The following TRIO variants were observed in gnomAD, a reference collection of about 807,000 sequenced individuals.
TRIO encodes the protein trio Rho guanine nucleotide exchange factor, also known as triple functional domain protein.
A neutral mutation model predicts 351.9 loss-of-function variants in TRIO; 58 were observed. That is an observed-to-expected ratio of 0.16 (90% CI 0.13 to 0.21). The LOEUF (loss-of-function observed/expected upper bound fraction) is 0.21, where lower values mean the gene tolerates loss of function less well. TRIO is among the 10% of genes least tolerant of loss of function. The probability of loss-of-function intolerance (pLI) is 1.00; values close to 1 mark genes in which losing one functional copy is unlikely to be tolerated. For synonymous variants in TRIO, 1,758 were observed against 1,595.7 expected, an observed-to-expected ratio of 1.10 and a Z score of -2.42; for missense variants, 3,201 against 4,027.8, an observed-to-expected ratio of 0.79 and a Z score of 5.56.
chr5:14,242,859 C>T (rs1204514525), intron 1 of TRIO, among the ~76,000 whole-genome samples: 1 of 152,218 alleles, frequency 6.6e-6, no homozygotes, highest in African/African-American at 2.4e-5. Flanking sequence ...CCACTCTACT[C>T]TGCATTGTTG....
intron 1 of TRIO, among the ~76,000 whole-genome samples, chr5:14,164,089 G>T (rs1788629161): frequency 6.6e-6 from 1 of 152,194 alleles, no homozygotes; most frequent in African/African-American, 2.4e-5. Context: ...TCAGCAGTGG[G>T]ACAGAGAGGT....
chr5:14,393,472 C>G (rs571085328), intron 27 of TRIO, among the ~76,000 whole-genome samples: 167 of 152,252 alleles, frequency 1.1e-3, no homozygotes, highest in Middle Eastern at 3.4e-3. Flanking sequence ...TTTCAGTATT[C>G]CTTGTACAGT....
At chr5:14,394,979 G>T (rs1412393031) in intron 28 of TRIO, among the ~76,000 whole-genome samples, 5 of 152,168 alleles carry the variant, frequency 3.3e-5, no homozygotes, top group Non-Finnish European at 7.3e-5. Context: ...GTAGAAACAT[G>T]CATTCATCCC....
At chr5:14,316,802 A>T in intron 9 of TRIO, 59 bp downstream of exon 9, 1 of 1,484,170 alleles carries the variant, frequency 6.7e-7, no homozygotes, top group Non-Finnish European at 9.2e-7. Flanking sequence ...TAGAGTTTAA[A>T]TACATCATCA....
intron 1 of TRIO, among the ~76,000 whole-genome samples, chr5:14,190,918 C>G (rs1227502762): frequency 6.6e-6 from 1 of 152,214 alleles, no homozygotes; most frequent in African/African-American, 2.4e-5. Context: ...TGTATCCACA[C>G]AAGCACTTCT....
chr5:14,421,736 C>T (rs1293147452), intron 34 of TRIO, among the ~76,000 whole-genome samples: 1 of 152,054 alleles, frequency 6.6e-6, no homozygotes, highest in South Asian at 2.1e-4. Context: ...AGCGGTAGGG[C>T]GTGGGTGAGG....
chr5:14,444,755 A>G (rs1222546777), intron 34 of TRIO, among the ~76,000 whole-genome samples: 1 of 152,224 alleles, frequency 6.6e-6, no homozygotes, highest in Non-Finnish European at 1.5e-5. Context: ...TTGAATTTGT[A>G]TATATTTTTA....
chr5:14,359,415 A>G lies in TRIO; in HGVS notation c.2275A>G (p.Thr759Ala). The change falls in exon 13 of 57, where the codon ACG becomes GCG. Residue 759 changes from threonine to alanine, a missense_variant. By Grantham distance (58) the Thr-to-Ala change is moderately conservative. Around this residue, in one of 19 missense-constraint regions of TRIO, gnomAD observed 363 missense variants for 553.5 expected, o/e 0.66. Coordinates refer to ENST00000344204, the MANE Select transcript of TRIO (RefSeq NM_007118.4). ...CAACAGCTCCATCAACCACATTGAG[A>G]CGGTGCTGCAGCAGCTGGACGAGGC... is the stretch of plus-strand genomic sequence containing the variant. ...PHNSSINHIE[T>A]VLQQLDEAQS... The G allele has an allele frequency of 6.2e-7, 1 of 1,614,266 alleles. No homozygotes were observed. Among genetic ancestry groups the G allele is most frequent in the Non-Finnish European group, 8.5e-7 (1 of 1,180,036 alleles).
At chr5:14,151,785 C>T (rs1430143279) in intron 1 of TRIO, among the ~76,000 whole-genome samples, 5 of 152,116 alleles carry the variant, frequency 3.3e-5, no homozygotes, top group African/African-American at 7.2e-5. Context: ...TGAAGGATGC[C>T]ACTGATACCT....
chr5:14,143,530 G>C lies in TRIO; in HGVS notation c.-196G>C, dbSNP rs922986518. On this transcript the variant is annotated 5_prime_UTR_variant, in exon 1 of 57. Transcript: ENST00000344204. ...TCGGCCAGCTCGCGGCTACCGGGCG[G>C]AGTCCTCGTCTATGTGGGCGCGCTC... Among the ~76,000 whole-genome samples, 12 of 147,278 alleles carry C rather than the reference G, an allele frequency of 8.1e-5. No homozygotes were observed. Among genetic ancestry groups the C allele is most frequent in the African/African-American group, 2.9e-4 (12 of 40,838 alleles).
In TRIO at chr5:14,484,752, G is replaced by T. The variant is rs992167750; in HGVS notation, c.6658-317G>T. 6.6e-5 allele frequency among the ~76,000 whole-genome samples: 10 copies of T among 152,098 alleles called. 1 individual carries two copies. Among genetic ancestry groups the T allele is most frequent in the Admixed American group, 2.6e-4 (4 of 15,266 alleles). On this transcript the variant is annotated intron_variant, in intron 46 of 56. Coordinates refer to ENST00000344204, the MANE Select transcript of TRIO (RefSeq NM_007118.4). The stretch of plus-strand genomic sequence containing the variant: ...GCTAAAGCCCTGTACCCATTAAACA[G>T]TAACTCCCCACTTCCCCACCCCCAA...
intron 1 of TRIO, among the ~76,000 whole-genome samples, chr5:14,181,900 T>C (rs536285712): frequency 6.6e-6 from 1 of 151,998 alleles, no homozygotes; most frequent in African/African-American, 2.4e-5. Flanking sequence ...CGGGCTGATG[T>C]GGGTCTGAAA....
At chr5:14,435,297 G>C (rs926287542) in intron 34 of TRIO, among the ~76,000 whole-genome samples, 2 of 152,180 alleles carry the variant, frequency 1.3e-5, no homozygotes, top group Non-Finnish European at 2.9e-5. Flanking sequence ...TTCCACACAG[G>C]AAGAGGAGAA....
Position 14,435,018 on chromosome 5 carries a change from A to T in TRIO, c.5203+14997A>T, listed in dbSNP as rs1248362636. ...GCTATTGTGCCCTTCTCCGTGCATC[A>T]CGTCAGGGGTACAGGGTATCCTGAG... is the stretch of plus-strand genomic sequence containing the variant. On this transcript the variant is annotated intron_variant, in intron 34 of 56. Coordinates refer to ENST00000344204, the MANE Select transcript of TRIO (RefSeq NM_007118.4). Among the ~76,000 whole-genome samples, 7 of 152,304 alleles carry T rather than the reference A, an allele frequency of 4.6e-5. 1 individual carries two copies. The highest frequency in any genetic ancestry group is 1.7e-4 in the African/African-American group (7 of 41,558).
At chr5:14,350,843 C>T (rs991924240) in intron 11 of TRIO, among the ~76,000 whole-genome samples, 2 of 152,048 alleles carry the variant, frequency 1.3e-5, no homozygotes, top group Admixed American at 6.5e-5. Context: ...TTGTGGAAGA[C>T]GATTTTTCCA....
intron 1 of TRIO, among the ~76,000 whole-genome samples, chr5:14,167,676 G>A (rs1788852284): frequency 1.3e-5 from 2 of 152,160 alleles, no homozygotes. Context: ...AAAGCTTGCA[G>A]GCCACATGTA....
rs1472655323 is a variant in TRIO, at chr5:14,393,684, CAAGGAATACAACCAGTTGTA to C, written c.4219-340_4219-321del. Among the ~76,000 whole-genome samples, 49 of 152,232 alleles carry C rather than the reference CAAGGAATACAACCAGTTGTA, an allele frequency of 3.2e-4. No individual in the cohort carries two copies. The East Asian group carries it at 7.9e-3, about 25-fold the overall frequency. The stretch of plus-strand genomic sequence containing the variant: ...CCTGTCTTCACAGCAAGGAATACAG[CAAGGAATACAACCAGTTGTA>C]AAGGAATACAACCTTTACATGCAAT... On this transcript the variant is annotated intron_variant, in intron 27 of 56. Transcript: ENST00000344204.
chr5:14,179,269 T>A (rs547466886), intron 1 of TRIO, among the ~76,000 whole-genome samples: 1 of 152,214 alleles, frequency 6.6e-6, no homozygotes. Context: ...GTGACTTCTT[T>A]ACCATGTGCT....
chr5:14,432,433 T>C (rs1751237997), intron 34 of TRIO, among the ~76,000 whole-genome samples: 1 of 152,224 alleles, frequency 6.6e-6, no homozygotes, highest in Non-Finnish European at 1.5e-5. Context: ...GAGCTAATTC[T>C]AGAACCTGGT....
Sources: gnomAD v4.1 joint callset for allele counts (sites outside exome capture counted in the v4.1 genomes callset) on GRCh38, gnomAD v4.1.1 for gene constraint, gnomAD v4.1.1 regional missense constraint, MANE v1.5 for transcripts, NCBI Gene and HGNC (gene_info 2026-07-23, HGNC 2026-07-21) for gene names.